The following SLIT2 variants were observed in gnomAD, a reference collection of about 807,000 sequenced individuals.
SLIT2 encodes the protein slit guidance ligand 2.
A neutral mutation model predicts 185.7 loss-of-function variants in SLIT2; 41 were observed. The ratio of observed to expected loss-of-function variants is 0.22; its 90% CI spans 0.17 to 0.29. The LOEUF is 0.29. Ranked by LOEUF, SLIT2 falls within the 10% of genes least tolerant of loss-of-function variation. SLIT2 has a pLI of 1.00. For synonymous variants in SLIT2, 693 were observed against 680.2 expected (o/e 1.02, Z -0.29); for missense variants, 1,571 against 1,909.0 (o/e 0.82, Z 3.30).
At chr4:20,510,874 A>G (rs1719635267) in intron 10 of SLIT2, among the ~76,000 whole-genome samples, 192 bp from the exon 11 acceptor site, 1 of 152,186 alleles carries the variant, frequency 6.6e-6, no homozygotes, top group Non-Finnish European at 1.5e-5. Context: ...TATATGGGAA[A>G]GTAGACAATG....
chr4:20,521,051 A>G (rs1226137983), intron 12 of SLIT2, among the ~76,000 whole-genome samples: 2 of 152,190 alleles, frequency 1.3e-5, no homozygotes, highest in Non-Finnish European at 2.9e-5. Context: ...CCTCTCTGCC[A>G]TTCTTCCACA....
chr4:20,285,090 G>A (rs1715138829), intron 4 of SLIT2, among the ~76,000 whole-genome samples: 1 of 152,184 alleles, frequency 6.6e-6, no homozygotes, highest in Non-Finnish European at 1.5e-5. Context: ...TACAAGGGGT[G>A]GAGAAGAATT....
At chr4:20,537,018 A>G (rs1173355494) in intron 18 of SLIT2, among the ~76,000 whole-genome samples, 1 of 152,252 alleles carries the variant, frequency 6.6e-6, no homozygotes, top group East Asian at 1.9e-4. Context: ...GCAAGGAGCT[A>G]TCATCTCCTA....
At chr4:20,377,674 T>G (rs1330173956) in intron 4 of SLIT2, among the ~76,000 whole-genome samples, 2 of 152,112 alleles carry the variant, frequency 1.3e-5, no homozygotes, top group Non-Finnish European at 2.9e-5. Context: ...AGCTGTTTAC[T>G]TACATTGAGG....
chr4:20,254,492 G>T lies in SLIT2; in HGVS notation c.179+498G>T, dbSNP rs1183019539. 6.6e-6 allele frequency among the ~76,000 whole-genome samples: 1 copy of T among 152,058 alleles called. No homozygotes were observed. Among genetic ancestry groups the T allele is most frequent in the East Asian group, 1.9e-4 (1 of 5,150 alleles). On this transcript the variant is annotated intron_variant, in intron 1 of 36. Transcript: ENST00000504154. This position sits in a 1 kb window ranked among gnomAD's most constrained non-coding sequence, Gnocchi z 5.1. ...CCGATTTTTTGTCACCCTCCTGGGG[G>T]CGAAGGTTAGGAAGAAGGGGTCATG...
At chr4:20,543,258 A>G (rs1003879847) in intron 21 of SLIT2, among the ~76,000 whole-genome samples, 24 of 152,048 alleles carry the variant, frequency 1.6e-4, no homozygotes, top group African/African-American at 5.8e-4. Flanking sequence ...CATTTTCATA[A>G]CTGATATTTA....
At chr4:20,420,530 A>G (rs544086479) in intron 4 of SLIT2, among the ~76,000 whole-genome samples, 1 of 152,280 alleles carries the variant, frequency 6.6e-6, no homozygotes, top group African/African-American at 2.4e-5. Flanking sequence ...TTTTACAAAC[A>G]TTGCCTAATT....
chr4:20,396,684 T>C (rs1302148941), intron 4 of SLIT2, among the ~76,000 whole-genome samples: 5 of 151,522 alleles, frequency 3.3e-5, no homozygotes, highest in African/African-American at 1.2e-4. Flanking sequence ...TAGAATTAAC[T>C]GTGCTTTTTT....
intron 34 of SLIT2, among the ~76,000 whole-genome samples, chr4:20,613,720 C>CA (rs1162741478): frequency 6.6e-5 from 10 of 151,686 alleles, no homozygotes; most frequent in Admixed American, 3.9e-4. Flanking sequence ...AAACAAAAAA[C>CA]AAAAAAAACC....
intron 4 of SLIT2, among the ~76,000 whole-genome samples, chr4:20,391,947 A>G (rs944856245): frequency 1.3e-5 from 2 of 152,108 alleles, no homozygotes; most frequent in African/African-American, 4.8e-5. Flanking sequence ...GGGATTCTCA[A>G]CGATACCAGA....
At chr4:20,308,121 G>A (rs998102401) in intron 4 of SLIT2, among the ~76,000 whole-genome samples, 1 of 152,134 alleles carries the variant, frequency 6.6e-6, no homozygotes, top group Non-Finnish European at 1.5e-5. Flanking sequence ...CAAGAGACAC[G>A]CTTCATGGAG....
chr4:20,542,066 T>G (rs1577891653), intron 20 of SLIT2, among the ~76,000 whole-genome samples: 1 of 152,300 alleles, frequency 6.6e-6, no homozygotes, highest in East Asian at 1.9e-4. Flanking sequence ...GAACAAGTTC[T>G]ATTATTATTG....
At chr4:20,331,582 A>G (rs1447223581) in intron 4 of SLIT2, among the ~76,000 whole-genome samples, 4 of 152,012 alleles carry the variant, frequency 2.6e-5, no homozygotes, top group East Asian at 1.9e-4. Context: ...GCTCACTAAT[A>G]TTTTCTTACA....
At chr4:20,495,351 A>C (rs1407938224) in intron 9 of SLIT2, among the ~76,000 whole-genome samples, 1 of 152,178 alleles carries the variant, frequency 6.6e-6, no homozygotes, top group African/African-American at 2.4e-5. Context: ...TATAAGATAC[A>C]TGTGGGAGCA....
chr4:20,473,733 A>G (rs1240353720), intron 5 of SLIT2, among the ~76,000 whole-genome samples: 1 of 152,094 alleles, frequency 6.6e-6, no homozygotes, highest in East Asian at 1.9e-4. Context: ...TCTGTTTTCT[A>G]GTTTTCACTG....
intron 4 of SLIT2, among the ~76,000 whole-genome samples, chr4:20,353,196 T>C (rs566703428): frequency 6.6e-6 from 1 of 152,280 alleles, no homozygotes; most frequent in African/African-American, 2.4e-5. Flanking sequence ...GAATGACATA[T>C]TTCTGCCAGA....
At chr4:20,605,652 G>A (rs1402044902) in intron 33 of SLIT2, among the ~76,000 whole-genome samples, 1 of 152,014 alleles carries the variant, frequency 6.6e-6, no homozygotes, top group African/African-American at 2.4e-5. Flanking sequence ...TGGCTTTCTA[G>A]CTCAGGCAGT....
rs1279848182 is a variant in SLIT2 at position 20,528,821 on chromosome 4, G to C, written c.1463-128G>C. ...TTTAACCTTTCTCCTGACATCCATT[G>C]ACCAAAATACCCCAAGTTGTCTCCC... On this transcript the variant is annotated intron_variant, in intron 15 of 36. Transcript: ENST00000504154. This position sits in a 1 kb window ranked among gnomAD's most constrained non-coding sequence, Gnocchi z 4.2. 2 of 665,336 alleles carry C rather than the reference G, an allele frequency of 3.0e-6. No homozygotes were observed. The highest frequency in any genetic ancestry group is 4.9e-6 in the Non-Finnish European group (2 of 411,502). The allele number at this position is 665,336 out of a possible 1,614,324, so 41.2% of individuals were successfully genotyped here. A position where few individuals can be genotyped will look rare whatever the true frequency, so the allele number is the denominator to read the frequency against.
intron 4 of SLIT2, among the ~76,000 whole-genome samples, chr4:20,381,926 T>A (rs1251489395): frequency 6.7e-6 from 1 of 148,664 alleles, no homozygotes; most frequent in Non-Finnish European, 1.5e-5. Flanking sequence ...TATAAATACA[T>A]ATGTATTTAT....
Sources: allele counts gnomAD v4.1 joint callset (sites outside exome capture counted in the v4.1 genomes callset), GRCh38; gene constraint gnomAD v4.1.1; non-coding constraint Gnocchi (gnomAD v3.1); transcripts MANE v1.5; gene names NCBI Gene and HGNC (gene_info 2026-07-23, HGNC 2026-07-21).